P2RY11: variants seen among roughly 807,000 people sequenced by gnomAD.
The protein encoded by P2RY11 is purinergic receptor P2Y11.
A neutral mutation model predicts 2.4 loss-of-function variants in P2RY11; 3 were observed. The observed-to-expected ratio is 1.22, with a 90% CI of 0.56 to 3.17. P2RY11 has a LOEUF of 3.17. Among genes scored for constraint, P2RY11 ranks in the 30% most tolerant of loss-of-function variants. The pLI, the probability that P2RY11 is intolerant of heterozygous loss-of-function variation, is 0.03. For synonymous variants in P2RY11, 307 were observed against 237.3 expected (o/e 1.29, Z -2.70); for missense variants, 670 against 528.2 (o/e 1.27, Z -2.63).
At chr19:10,113,089 C>T (rs1483130278) in intron 1 of P2RY11, among the ~76,000 whole-genome samples, 3 of 152,048 alleles carry the variant, frequency 2.0e-5, no homozygotes, top group East Asian at 1.9e-4. Context: ...TCTTGGGGGA[C>T]CTTGTGGGGT....
At position 10,114,742 on chromosome 19, in the gene P2RY11, G is replaced by A. The variant is rs770209574; in HGVS notation, c.*4G>A. The A allele has an allele frequency of 1.3e-6, 2 of 1,593,552 alleles. No homozygotes were observed. The highest frequency in any genetic ancestry group is 1.7e-5 in the Admixed American group (1 of 58,414). ...GTCCCGTGAGCTGAGCCAATGATGTGGCCTAGCGGAAGCTGCCTCCTCACC... is the reference window on the plus strand; with the variant it reads ...GTCCCGTGAGCTGAGCCAATGATGTAGCCTAGCGGAAGCTGCCTCCTCACC... On this transcript the variant is annotated 3_prime_UTR_variant, in exon 2 of 2. Coordinates refer to ENST00000321826, the MANE Select transcript of P2RY11 (RefSeq NM_002566.5).
In P2RY11 at chr19:10,114,762, C is replaced by G. The variant is rs758700442; in HGVS notation, c.*24C>G. On this transcript the variant is annotated 3_prime_UTR_variant, in exon 2 of 2. Coordinates refer to ENST00000321826, the MANE Select transcript of P2RY11 (RefSeq NM_002566.5). The stretch of plus-strand genomic sequence containing the variant: ...GATGTGGCCTAGCGGAAGCTGCCTC[C>G]TCACCCTAGGTGTTGCTGGAGAACC... The G allele has an allele frequency of 1.3e-6, 2 of 1,579,400 alleles. No individual in the cohort carries two copies. Among genetic ancestry groups the G allele is most frequent in the Middle Eastern group, 1.8e-4 (1 of 5,602 alleles).
chr19:10,113,750 A>G lies in P2RY11; in HGVS notation c.137A>G (p.Asn46Ser), dbSNP rs148786335. The G allele has an allele frequency of 7.6e-5, 123 of 1,614,014 alleles. No homozygotes were observed. In the African/African-American group the frequency reaches 1.0e-3, roughly 13 times the overall value. Residue 46 changes from asparagine (N) to serine (S), a missense_variant, in exon 2 of 2, where the codon AAT becomes AGT. Asn to Ser is a conservative substitution (Grantham distance 46). Coordinates refer to ENST00000321826, the MANE Select transcript of P2RY11 (RefSeq NM_002566.5). ...GAGTTCCTGGTGGCCGTGGCCAGCA[A>G]TGGCCTGGCCCTGTACCGCTTCAGC... is the stretch of plus-strand genomic sequence containing the variant. ...VVEFLVAVASNGLALYRFSIR... is the reference protein window; with the variant it reads ...VVEFLVAVASSGLALYRFSIR...
chr19:10,113,694 G>GC lies in P2RY11; in HGVS notation c.81_82insC (p.Gly28ArgfsTer11). Reference sequence around the variant, plus strand: ...CCGACGACAAACTCAGTGGGTTCCAGGGGGACTTCCTGTGGCCCATACTGG... The same window carrying GC: ...CCGACGACAAACTCAGTGGGTTCCAGCGGGGACTTCCTGTGGCCCATACTGG... On this transcript the variant is annotated frameshift_variant, in exon 2 of 2. Transcript: ENST00000321826. LOFTEE classifies it low-confidence loss of function (END_TRUNC). The GC allele has an allele frequency of 1.3e-6, 2 of 1,597,940 alleles. No homozygotes were observed. Among genetic ancestry groups the GC allele is most frequent in the Non-Finnish European group, 1.7e-6 (2 of 1,170,528 alleles).
rs746930638 is a variant in P2RY11, at chr19:10,115,330, C to T, written c.*592C>T. The T allele has an allele frequency of 2.7e-5, 31 of 1,144,834 alleles. No homozygotes were observed. The highest frequency in any genetic ancestry group is 3.4e-5 in the Non-Finnish European group (28 of 820,142). 70.9% of individuals were successfully genotyped at this position (1,144,834 alleles called of 1,614,324 possible). A position where few individuals can be genotyped will look rare whatever the true frequency, so the allele number is the denominator to read the frequency against. ...GCACAAGAGCTGCCACCCCTCTGCCCGGTTTTGGAAAAAAACAATAAAGGA... is the reference window on the plus strand; with the variant it reads ...GCACAAGAGCTGCCACCCCTCTGCCTGGTTTTGGAAAAAAACAATAAAGGA... On this transcript the variant is annotated 3_prime_UTR_variant, in exon 2 of 2. Transcript: ENST00000321826.
At position 10,114,749 on chromosome 19, in the gene P2RY11, C is replaced by G. The variant is rs546632064; in HGVS notation, c.*11C>G. 1 of 1,587,910 alleles carries G rather than the reference C, an allele frequency of 6.3e-7. No homozygotes were observed. Among genetic ancestry groups the G allele is most frequent in the Admixed American group, 1.7e-5 (1 of 57,962 alleles). On this transcript the variant is annotated 3_prime_UTR_variant, in exon 2 of 2. Coordinates refer to ENST00000321826, the MANE Select transcript of P2RY11 (RefSeq NM_002566.5). ...GAGCTGAGCCAATGATGTGGCCTAGCGGAAGCTGCCTCCTCACCCTAGGTG... is the reference window on the plus strand; with the variant it reads ...GAGCTGAGCCAATGATGTGGCCTAGGGGAAGCTGCCTCCTCACCCTAGGTG...
In P2RY11 at chr19:10,114,797, G is replaced by A. The variant is rs1196662243; in HGVS notation, c.*59G>A. 1.3e-6 allele frequency: 2 copies of A among 1,542,756 alleles called. No homozygotes were observed. The highest frequency in any genetic ancestry group is 1.4e-5 in the African/African-American group (1 of 72,944). The stretch of plus-strand genomic sequence containing the variant: ...GTGTTGCTGGAGAACCCTGAGGGCA[G>A]GGCCCGAGCCCCGACACATCCCTTC... On this transcript the variant is annotated 3_prime_UTR_variant, in exon 2 of 2. Coordinates refer to ENST00000321826, the MANE Select transcript of P2RY11 (RefSeq NM_002566.5).
chr19:10,114,140 G>A lies in P2RY11; in HGVS notation c.527G>A (p.Gly176Glu), dbSNP rs551438680. 1.9e-6 allele frequency: 3 copies of A among 1,601,148 alleles called. No individual in the cohort carries two copies. The highest frequency in any genetic ancestry group is 2.2e-5 in the South Asian group (2 of 91,072). Reference sequence around the variant, plus strand: ...TCCCACCTGAAGAGGCCGCAGCAGGGGGCGGGCAACTGCAGCGTGGCCAGG... The same window carrying A: ...TCCCACCTGAAGAGGCCGCAGCAGGAGGCGGGCAACTGCAGCGTGGCCAGG... ...SFSHLKRPQQ[G>E]AGNCSVARPE... is the part of the protein sequence containing the mutation. Residue 176 changes from glycine (G) to glutamate (E), a missense_variant, in exon 2 of 2, where the codon GGG becomes GAG. Coordinates refer to ENST00000321826, the MANE Select transcript of P2RY11 (RefSeq NM_002566.5).
In P2RY11 at chr19:10,113,757, G is replaced by A; in HGVS notation, c.144G>A (p.Leu48=). ...EFLVAVASNG[L]ALYRFSIRKQ... is the part of the protein sequence containing the mutation. ...TGGTGGCCGTGGCCAGCAATGGCCTGGCCCTGTACCGCTTCAGCATCCGGA... is the reference window on the plus strand; with the variant it reads ...TGGTGGCCGTGGCCAGCAATGGCCTAGCCCTGTACCGCTTCAGCATCCGGA... The change falls in exon 2 of 2, where the codon CTG becomes CTA. Residue 48 remains leucine, a synonymous_variant. Coordinates refer to ENST00000321826, the MANE Select transcript of P2RY11 (RefSeq NM_002566.5). 1 of 1,614,108 alleles carries A rather than the reference G, an allele frequency of 6.2e-7. No homozygotes were observed. The highest frequency in any genetic ancestry group is 8.5e-7 in the Non-Finnish European group (1 of 1,179,980).
At chr19:10,113,377 C>T (rs956793156) in intron 1 of P2RY11, among the ~76,000 whole-genome samples, 1 of 152,110 alleles carries the variant, frequency 6.6e-6, no homozygotes, top group Non-Finnish European at 1.5e-5. Context: ...GTAGGGTGGC[C>T]GCTGTCTGTG....
Position 10,113,839 on chromosome 19 carries a change from C to A in P2RY11, c.226C>A (p.Leu76Met), listed in dbSNP as rs371955614. The A allele has an allele frequency of 1.2e-6, 2 of 1,613,498 alleles. No homozygotes were observed. The highest frequency in any genetic ancestry group is 1.7e-6 in the Non-Finnish European group (2 of 1,179,818). ...CTCTGTCCAGCTGGCAGTCAGCGAC[C>A]TGCTCTGCGCCCTGACGCTGCCCCC... ...VFSVQLAVSD[L>M]LCALTLPPLA... The change falls in exon 2 of 2, where the codon CTG becomes ATG. Residue 76 changes from leucine (L) to methionine (M), a missense_variant. Transcript: ENST00000321826.
In P2RY11 at chr19:10,114,961, G is replaced by A. The variant is rs565277068; in HGVS notation, c.*223G>A. ...GGACCAGACCACGCCCAGAGGAGGG[G>A]AGGCACTGGCCCCCGCCACAGGACT... On this transcript the variant is annotated 3_prime_UTR_variant, in exon 2 of 2. Coordinates refer to ENST00000321826, the MANE Select transcript of P2RY11 (RefSeq NM_002566.5). 445 of 1,409,020 alleles carry A rather than the reference G, an allele frequency of 3.2e-4. 4 individuals carry two copies. In the African/African-American group the frequency reaches 5.5e-3, roughly 17 times the overall value. The allele number at this position is 1,409,020 out of a possible 1,614,324, so 87.3% of individuals were successfully genotyped here. A position where few individuals can be genotyped will look rare whatever the true frequency, so the allele number is the denominator to read the frequency against.
Position 10,114,461 on chromosome 19 carries a change from C to T in P2RY11, c.848C>T (p.Pro283Leu), listed in dbSNP as rs200863110. 30 of 1,612,080 alleles carry T rather than the reference C, an allele frequency of 1.9e-5. No individual in the cohort carries two copies. The highest frequency in any genetic ancestry group is 3.3e-5 in the Admixed American group (2 of 60,002). Reference protein sequence around the residue: ...DARRRWSTRCPSFADIAQATA... With the variant: ...DARRRWSTRCLSFADIAQATA... ...CGGCGGCGCTGGAGCACCCGCTGCC[C>T]GAGCTTTGCAGACATAGCCCAGGCC... is the stretch of plus-strand genomic sequence containing the variant. The change falls in exon 2 of 2, where the codon CCG becomes CTG. Residue 283 changes from proline to leucine, a missense_variant. Pro to Leu is a moderately conservative substitution (Grantham distance 98). Transcript: ENST00000321826.
In P2RY11 at chr19:10,114,606, C is replaced by G. The variant is rs749550293; in HGVS notation, c.993C>G (p.Cys331Trp). The G allele has an allele frequency of 6.2e-7, 1 of 1,613,956 alleles. No individual in the cohort carries two copies. Among genetic ancestry groups the G allele is most frequent in the Non-Finnish European group, 8.5e-7 (1 of 1,179,994 alleles). Residue 331 changes from cysteine (C) to tryptophan (W), a missense_variant, in exon 2 of 2, where the codon TGC (cysteine) becomes TGG (tryptophan). Cys to Trp is a radical substitution (Grantham distance 215). Coordinates refer to ENST00000321826, the MANE Select transcript of P2RY11 (RefSeq NM_002566.5). ...YMAAVPSLGCCCRHCPGYRDS... is the reference protein window; with the variant it reads ...YMAAVPSLGCWCRHCPGYRDS... ...CCGCAGTGCCCAGCCTGGGCTGCTG[C>G]TGCCGACACTGCCCCGGCTACAGGG...
chr19:10,113,679 A>T lies in P2RY11; in HGVS notation c.66A>T (p.Lys22Asn). 6.3e-7 allele frequency: 1 copy of T among 1,585,000 alleles called. No homozygotes were observed. The highest frequency in any genetic ancestry group is 8.6e-7 in the Non-Finnish European group (1 of 1,163,104). The change falls in exon 2 of 2, where the codon AAA becomes AAT. Residue 22 changes from lysine (K) to asparagine (N), a missense_variant. Lys to Asn is a moderately conservative substitution (Grantham distance 94). Coordinates refer to ENST00000321826, the MANE Select transcript of P2RY11 (RefSeq NM_002566.5). ...ACTTCTTGGCAGCTGCCGACGACAA[A>T]CTCAGTGGGTTCCAGGGGGACTTCC... ...PANFLAAADD[K>N]LSGFQGDFLW...
rs770168066 is a variant in P2RY11 at position 10,114,784 on chromosome 19, A to G, written c.*46A>G. 1 of 1,552,614 alleles carries G rather than the reference A, an allele frequency of 6.4e-7. No individual in the cohort carries two copies. The highest frequency in any genetic ancestry group is 1.2e-5 in the South Asian group (1 of 82,750). On this transcript the variant is annotated 3_prime_UTR_variant, in exon 2 of 2. Transcript: ENST00000321826. Reference sequence around the variant, plus strand: ...CTCCTCACCCTAGGTGTTGCTGGAGAACCCTGAGGGCAGGGCCCGAGCCCC... The same window carrying G: ...CTCCTCACCCTAGGTGTTGCTGGAGGACCCTGAGGGCAGGGCCCGAGCCCC...
rs755494500 is a variant in P2RY11, at chr19:10,113,937, C to A, written c.324C>A (p.Leu108=). Residue 108 remains leucine, a synonymous_variant, in exon 2 of 2, where the codon CTC becomes CTA. Coordinates refer to ENST00000321826, the MANE Select transcript of P2RY11 (RefSeq NM_002566.5). Reference sequence around the variant, plus strand: ...CCGCGTGCCGCCTGGAGCGCTTCCTCTTCACCTGCAACCTGCTGGGCAGCG... The same window carrying A: ...CCGCGTGCCGCCTGGAGCGCTTCCTATTCACCTGCAACCTGCTGGGCAGCG... ...GEAACRLERF[L]FTCNLLGSVI... is the part of the protein sequence containing the mutation. The A allele has an allele frequency of 6.2e-7, 1 of 1,603,128 alleles. No individual in the cohort carries two copies. The highest frequency in any genetic ancestry group is 1.7e-5 in the Admixed American group (1 of 60,020).
chr19:10,114,291 C>G lies in P2RY11; in HGVS notation c.678C>G (p.Gly226=). The G allele has an allele frequency of 6.3e-7, 1 of 1,597,680 alleles. No homozygotes were observed. Among genetic ancestry groups the G allele is most frequent in the South Asian group, 1.1e-5 (1 of 90,944 alleles). The change falls in exon 2 of 2, where the codon GGC becomes GGG. Residue 226 remains glycine, a synonymous_variant. Coordinates refer to ENST00000321826, the MANE Select transcript of P2RY11 (RefSeq NM_002566.5). ...LPLLLTLAAY[G]ALGRAVLRSP... is the part of the protein sequence containing the mutation. ...TGCTGCTCACGCTGGCAGCCTACGG[C>G]GCCCTCGGGCGGGCCGTGCTACGCA...
chr19:10,113,684 GTGGGTT>G lies in P2RY11; in HGVS notation c.72_77del (p.Gly25_Phe26del). The G allele has an allele frequency of 6.2e-7, 1 of 1,612,218 alleles. No individual in the cohort carries two copies. The highest frequency in any genetic ancestry group is 8.5e-7 in the Non-Finnish European group (1 of 1,178,882). ...TTGGCAGCTGCCGACGACAAACTCA[GTGGGTT>G]CCAGGGGGACTTCCTGTGGCCCATA... On this transcript the variant is annotated inframe_deletion, in exon 2 of 2. Coordinates refer to ENST00000321826, the MANE Select transcript of P2RY11 (RefSeq NM_002566.5).
Sources: gnomAD v4.1 joint callset for allele counts (sites outside exome capture counted in the v4.1 genomes callset) on GRCh38, gnomAD v4.1.1 for gene constraint, MANE v1.5 for transcripts, NCBI Gene and HGNC (gene_info 2026-07-23, HGNC 2026-07-21) for gene names.